The following CAMK2G variants were observed in gnomAD, a reference collection of about 807,000 sequenced individuals.
CAMK2G encodes the protein calcium/calmodulin-dependent protein kinase type II subunit gamma.
CAMK2G carries 23 observed loss-of-function variants against 88.7 expected under a neutral mutation model. The observed-to-expected ratio is 0.26, with a 90% CI of 0.19 to 0.37. The LOEUF (loss-of-function observed/expected upper bound fraction) is 0.37, where lower values mean the gene tolerates loss of function less well. CAMK2G is among the 10% of genes least tolerant of loss of function. The pLI, the probability that CAMK2G is intolerant of heterozygous loss-of-function variation, is 1.00. For synonymous variants in CAMK2G, 263 were observed against 294.8 expected, an observed-to-expected ratio of 0.89 and a Z score of 1.11; for missense variants, 476 against 780.8, an observed-to-expected ratio of 0.61 and a Z score of 4.65.
At chr10:73,873,694 G>C (rs1290856775) in intron 1 of CAMK2G, among the ~76,000 whole-genome samples, 1 of 141,216 alleles carries the variant, frequency 7.1e-6, no homozygotes, top group Non-Finnish European at 1.5e-5. Context: ...CCGTCAAACG[G>C]GAGCTCGCAC....
intron 19 of CAMK2G, chr10:73,818,490 G>A: frequency 1.1e-5 from 4 of 356,808 alleles, no homozygotes; most frequent in South Asian, 8.2e-5. Context: ...GGCGGGGCCA[G>A]GCCACAACCC....
chr10:73,862,333 C>A (rs940765778), intron 2 of CAMK2G, among the ~76,000 whole-genome samples: 1 of 139,668 alleles, frequency 7.2e-6, no homozygotes, highest in Admixed American at 7.2e-5. Flanking sequence ...GCACTTCTCA[C>A]GATTCTCACA....
intron 2 of CAMK2G, among the ~76,000 whole-genome samples, chr10:73,867,474 C>T (rs1225627257): frequency 1.3e-5 from 2 of 152,184 alleles, no homozygotes; most frequent in Non-Finnish European, 2.9e-5. Flanking sequence ...GGTAACCAGC[C>T]CCAAGTAAAA....
chr10:73,865,964 A>G (rs2095575831), intron 2 of CAMK2G, among the ~76,000 whole-genome samples: 1 of 150,902 alleles, frequency 6.6e-6, no homozygotes, highest in African/African-American at 2.4e-5. Context: ...CCATGGAGAG[A>G]CCCACCCCTG....
intron 21 of CAMK2G, among the ~76,000 whole-genome samples, chr10:73,815,713 G>A (rs1372390922): frequency 1.3e-5 from 2 of 152,156 alleles, no homozygotes; most frequent in Non-Finnish European, 2.9e-5. Context: ...TAGGGCTGCA[G>A]AACAAAATCA....
chr10:73,833,588 T>C (rs2092793942), intron 14 of CAMK2G, among the ~76,000 whole-genome samples: 1 of 133,734 alleles, frequency 7.5e-6, no homozygotes, highest in Admixed American at 8.8e-5. Context: ...TTTTCTTTGA[T>C]CATCTATCTT....
At chr10:73,855,022 CT>C (rs2094924197) in intron 3 of CAMK2G, among the ~76,000 whole-genome samples, 1 of 152,156 alleles carries the variant, frequency 6.6e-6, no homozygotes, top group African/African-American at 2.4e-5. Context: ...AATATACATT[CT>C]CTCCTGGGCA....
At chr10:73,814,859 T>C (rs2084912913) in intron 22 of CAMK2G, 144 bp downstream of exon 22, 2 of 613,162 alleles carry the variant, frequency 3.3e-6, no homozygotes, top group South Asian at 1.9e-5. Context: ...GCATAACTTA[T>C]TGCAACCATT....
At chr10:73,846,118 T>C (rs1005929951) in intron 10 of CAMK2G, among the ~76,000 whole-genome samples, 1 of 152,190 alleles carries the variant, frequency 6.6e-6, no homozygotes, top group Non-Finnish European at 1.5e-5. Flanking sequence ...TGTTCTTAAA[T>C]GCAAATTTCA....
chr10:73,821,099 C>T (rs892468549), intron 18 of CAMK2G, among the ~76,000 whole-genome samples: 4 of 152,100 alleles, frequency 2.6e-5, no homozygotes, highest in African/African-American at 7.2e-5. Flanking sequence ...TGTGAGTCAC[C>T]GCACCTGGCC....
At chr10:73,857,067 T>TC (rs1565451791) in intron 3 of CAMK2G, among the ~76,000 whole-genome samples, 1 of 151,956 alleles carries the variant, frequency 6.6e-6, no homozygotes. Context: ...GTGGCAGGGC[T>TC]CCCCCCACCC....
At chr10:73,814,818 G>A (rs1287092702) in intron 22 of CAMK2G, 185 bp downstream of exon 22, 7 of 587,994 alleles carry the variant, frequency 1.2e-5, no homozygotes, top group South Asian at 8.1e-5. Context: ...TTGGAGTCAC[G>A]GAGCCAGACC....
Position 73,848,222 on chromosome 10 carries a change from A to G in CAMK2G, c.602-140T>C, listed in dbSNP as rs2094388218. The G allele has an allele frequency of 1.4e-5, 9 of 664,682 alleles. 1 individual carries two copies. Among genetic ancestry groups the G allele is most frequent in the Non-Finnish European group, 1.6e-5 (6 of 366,210 alleles). 41.2% of individuals were successfully genotyped at this position (664,682 alleles called of 1,614,324 possible). A position where few individuals can be genotyped will look rare whatever the true frequency, so the allele number is the denominator to read the frequency against. On this transcript the variant is annotated intron_variant, in intron 8 of 22. Coordinates refer to ENST00000423381, the MANE Select transcript of CAMK2G (RefSeq NM_001367534.1). The surrounding 1 kb of genome is among the most constrained non-coding windows in gnomAD (Gnocchi z 4.5). ...GAAGTGGATGCCAGCCGATAATGCTATGCTACCAGCCCCTCCTGCTATGCC... is the reference window on the plus strand; with the variant it reads ...GAAGTGGATGCCAGCCGATAATGCTGTGCTACCAGCCCCTCCTGCTATGCC...
At chr10:73,857,997 T>C (rs938252066) in intron 3 of CAMK2G, among the ~76,000 whole-genome samples, 1 of 152,198 alleles carries the variant, frequency 6.6e-6, no homozygotes, top group Non-Finnish European at 1.5e-5. Flanking sequence ...ATGCACAGTC[T>C]CCTCCACCAT....
Position 73,815,082 on chromosome 10 carries a change from C to T in CAMK2G, c.1700G>A (p.Arg567His), listed in dbSNP as rs201440433. 331 of 1,614,122 alleles carry T rather than the reference C, an allele frequency of 2.1e-4. No homozygotes were observed. The highest frequency in any genetic ancestry group is 2.1e-4 in the Non-Finnish European group (244 of 1,180,054). Reference protein sequence around the residue: ...SQSEETRVWHRRDGKWLNVHY... With the variant: ...SQSEETRVWHHRDGKWLNVHY... ...GACATTGAGCCACTTGCCATCCCGA[C>T]GGTGCCAGACCCGGGTCTCTTCTGA... The change falls in exon 22 of 23, where the codon CGT (arginine) becomes CAT (histidine). Residue 567 changes from arginine (R) to histidine (H), a missense_variant. Physicochemically the swap from Arg to His is conservative, Grantham distance 29. This residue lies in a region of CAMK2G where 278 missense variants were observed against 366.5 expected (regional missense o/e 0.76). Transcript: ENST00000423381.
At chr10:73,831,649 C>T (rs977494257) in intron 14 of CAMK2G, among the ~76,000 whole-genome samples, 35 of 151,196 alleles carry the variant, frequency 2.3e-4, no homozygotes, top group African/African-American at 8.0e-4. Context: ...GCGGGCAGAT[C>T]ACCTGAGCTC....
chr10:73,860,900 A>G lies in CAMK2G; in HGVS notation c.161-11T>C, dbSNP rs114308217. 685 of 1,610,540 alleles carry G rather than the reference A, an allele frequency of 4.3e-4. 1 individual carries two copies. The African/African-American group carries it at 8.5e-3, about 20-fold the overall frequency. On this transcript the variant is annotated splice_polypyrimidine_tract_variant and intron_variant, in intron 2 of 22. Coordinates refer to ENST00000423381, the MANE Select transcript of CAMK2G (RefSeq NM_001367534.1). ...CTAGTTTCTGGTGATCTAAAAGCAG[A>G]AGAGAAAAAACAAAAGCCATCAACC...
intron 1 of CAMK2G, 40 bp from the exon 2 acceptor site, chr10:73,873,123 G>C (rs1488121795): frequency 1.4e-6 from 2 of 1,383,718 alleles, no homozygotes; most frequent in Non-Finnish European, 2.1e-6. Context: ...CACGGAGCAG[G>C]GCAGAGTGAC....
intron 2 of CAMK2G, among the ~76,000 whole-genome samples, chr10:73,869,757 G>A (rs910117592): frequency 1.3e-5 from 2 of 152,120 alleles, no homozygotes; most frequent in African/African-American, 4.8e-5. Flanking sequence ...TTCTTCACAC[G>A]GAATGTACAG....
Sources: allele counts gnomAD v4.1 joint callset (sites outside exome capture counted in the v4.1 genomes callset), GRCh38; gene constraint gnomAD v4.1.1; regional missense constraint gnomAD v4.1.1; non-coding constraint Gnocchi (gnomAD v3.1); transcripts MANE v1.5; gene names NCBI Gene and HGNC (gene_info 2026-07-23, HGNC 2026-07-21).